TCF12: variants seen among roughly 807,000 people sequenced by gnomAD.
TCF12 encodes DNA-binding protein HTF4.
A neutral mutation model predicts 86.0 loss-of-function variants in TCF12; 45 were observed. The observed-to-expected ratio is 0.52, with a 90% CI of 0.41 to 0.67. TCF12 has a LOEUF of 0.67. Among genes scored for constraint, TCF12 ranks in the 30% least tolerant of loss-of-function variants. The pLI, the probability that TCF12 is intolerant of heterozygous loss-of-function variation, is 0.00. For missense variants in TCF12, 881 were observed against 859.9 expected, an observed-to-expected ratio of 1.02 and a Z score of -0.31; for synonymous variants, 330 against 299.6, an observed-to-expected ratio of 1.10 and a Z score of -1.05.
intron 4 of TCF12, among the ~76,000 whole-genome samples, chr15:57,077,829 A>T (rs1193716152): frequency 1.3e-5 from 2 of 151,406 alleles, no homozygotes; most frequent in East Asian, 3.9e-4. Context: ...GAGAAGTATT[A>T]CTTCTTCAAA....
chr15:57,092,086 A>G, intron 5 of TCF12, 195 bp downstream of exon 5: 1 of 437,656 alleles, frequency 2.3e-6, no homozygotes, highest in African/African-American at 2.0e-5. Flanking sequence ...CTCTTAAAGC[A>G]TTATTGTTTT....
At chr15:57,235,445 A>C (rs552852853) in intron 12 of TCF12, among the ~76,000 whole-genome samples, 2 of 152,298 alleles carry the variant, frequency 1.3e-5, no homozygotes, top group Admixed American at 6.5e-5. Flanking sequence ...TAGAACCCTG[A>C]TCAGACCAGC....
At chr15:57,249,763 C>G (rs776129028) in intron 13 of TCF12, among the ~76,000 whole-genome samples, 2 of 152,158 alleles carry the variant, frequency 1.3e-5, no homozygotes, top group Non-Finnish European at 2.9e-5. Context: ...CCTTCAACTT[C>G]CAACTTCGAT....
chr15:56,964,537 C>T (rs2061917630), intron 3 of TCF12, among the ~76,000 whole-genome samples: 1 of 152,150 alleles, frequency 6.6e-6, no homozygotes, highest in Non-Finnish European at 1.5e-5. Context: ...CATTTTTCAG[C>T]CTCTCTAAAC....
chr15:57,286,625 C>G lies in TCF12; in HGVS notation c.*480C>G, dbSNP rs1272091493. 2.2e-6 allele frequency: 1 copy of G among 456,608 alleles called. No individual in the cohort carries two copies. The highest frequency in any genetic ancestry group is 2.0e-5 in the African/African-American group (1 of 50,072). The allele number at this position is 456,608 out of a possible 1,614,324, so 28.3% of individuals were successfully genotyped here. Reference sequence around the variant, plus strand: ...ATTAAAGCGGTTCACGTGCAGAGAACAAAGCAGTGACAACCATTGGCCCTT... The same window carrying G: ...ATTAAAGCGGTTCACGTGCAGAGAAGAAAGCAGTGACAACCATTGGCCCTT... On this transcript the variant is annotated 3_prime_UTR_variant, in exon 21 of 21. Transcript: ENST00000333725.
intron 8 of TCF12, among the ~76,000 whole-genome samples, chr15:57,221,504 G>T (rs2058595774): frequency 6.7e-6 from 1 of 149,650 alleles, no homozygotes; most frequent in Non-Finnish European, 1.5e-5. Flanking sequence ...GAAAGCACAG[G>T]TTACTGTATT....
intron 3 of TCF12, among the ~76,000 whole-genome samples, chr15:57,007,512 G>A (rs1449468187): frequency 6.6e-6 from 1 of 152,168 alleles, no homozygotes; most frequent in East Asian, 1.9e-4. Context: ...AAAGAATTAT[G>A]TATTGAGATC....
chr15:57,226,263 A>C (rs1236358708), intron 8 of TCF12, among the ~76,000 whole-genome samples: 1 of 126,786 alleles, frequency 7.9e-6, no homozygotes, highest in Non-Finnish European at 1.7e-5. Flanking sequence ...TAAAGTTTTT[A>C]TTGTTTAATA....
At chr15:56,958,100 C>T (rs1188527593) in intron 3 of TCF12, among the ~76,000 whole-genome samples, 1 of 152,134 alleles carries the variant, frequency 6.6e-6, no homozygotes, top group Non-Finnish European at 1.5e-5. Context: ...GTAGTTTCCT[C>T]AAATGCACGT....
rs201785681 is a variant in TCF12 at position 57,020,764 on chromosome 15, CTA to C, written c.149-42984_149-42983del. 4.1e-3 allele frequency among the ~76,000 whole-genome samples: 623 copies of C among 152,148 alleles called. 7 individuals are homozygous for C. Among genetic ancestry groups the C allele is most frequent in the Admixed American group, 0.021 (321 of 15,282 alleles). The stretch of plus-strand genomic sequence containing the variant: ...TGGCATATGTGGAAGCATTTTGGGA[CTA>C]TGTGTAGGTGTAACAATGCTAAGCT... On this transcript the variant is annotated intron_variant, in intron 3 of 20. Coordinates refer to ENST00000333725, the MANE Select transcript of TCF12 (RefSeq NM_207037.2).
chr15:57,216,850 C>T (rs1047175311), intron 8 of TCF12, among the ~76,000 whole-genome samples: 4 of 151,954 alleles, frequency 2.6e-5, no homozygotes, highest in African/African-American at 7.3e-5. Context: ...TGTTTTGGAG[C>T]GACAAACTTA....
At chr15:56,925,956 C>G (rs1385663011) in intron 3 of TCF12, among the ~76,000 whole-genome samples, 1 of 152,132 alleles carries the variant, frequency 6.6e-6, no homozygotes, top group African/African-American at 2.4e-5. Flanking sequence ...TAGTATTTAC[C>G]TATGCATTCT....
chr15:56,934,875 C>A (rs1595741649), intron 3 of TCF12, among the ~76,000 whole-genome samples: 1 of 152,046 alleles, frequency 6.6e-6, no homozygotes. Context: ...AAGACATTAA[C>A]TGGGTTTGGG....
At chr15:57,026,965 A>C (rs528687533) in intron 3 of TCF12, among the ~76,000 whole-genome samples, 1 of 152,068 alleles carries the variant, frequency 6.6e-6, no homozygotes, top group South Asian at 2.1e-4. Context: ...TGTATTTTTA[A>C]ATTTGTATTA....
Position 57,195,640 on chromosome 15 carries a change from A to T in TCF12, c.527-2133A>T, listed in dbSNP as rs563333992. Among the ~76,000 whole-genome samples, 9 of 152,356 alleles carry T rather than the reference A, an allele frequency of 5.9e-5. No individual in the cohort carries two copies. The South Asian group carries it at 1.9e-3, about 32-fold the overall frequency. On this transcript the variant is annotated intron_variant, in intron 7 of 20. Transcript: ENST00000333725. Reference sequence around the variant, plus strand: ...ACAGTTTTCTTCATATGCTACATATAAAGTTGCCTTTTTAACTTTGCAGCC... The same window carrying T: ...ACAGTTTTCTTCATATGCTACATATTAAGTTGCCTTTTTAACTTTGCAGCC...
intron 5 of TCF12, among the ~76,000 whole-genome samples, chr15:57,140,307 A>G (rs1596766853): frequency 1.3e-5 from 2 of 152,350 alleles, no homozygotes; most frequent in East Asian, 3.9e-4. Flanking sequence ...TAAGTGAAAT[A>G]AGCCAGTCAT....
At chr15:57,085,618 T>C (rs923160825) in intron 4 of TCF12, among the ~76,000 whole-genome samples, 4 of 152,246 alleles carry the variant, frequency 2.6e-5, no homozygotes, top group Non-Finnish European at 5.9e-5. Context: ...GGATTTGTTT[T>C]AGAAAGTATA....
intron 3 of TCF12, among the ~76,000 whole-genome samples, chr15:56,935,939 G>A (rs2060450128): frequency 6.6e-6 from 1 of 152,138 alleles, no homozygotes; most frequent in Non-Finnish European, 1.5e-5. Context: ...TTGCAATTGT[G>A]AATTGCTATA....
chr15:56,957,114 A>G (rs2061534761), intron 3 of TCF12, among the ~76,000 whole-genome samples: 1 of 152,170 alleles, frequency 6.6e-6, no homozygotes, highest in East Asian at 1.9e-4. Flanking sequence ...CCATCATGTT[A>G]CAATGCAATA....
Sources: gnomAD v4.1 joint callset for allele counts (sites outside exome capture counted in the v4.1 genomes callset) on GRCh38, gnomAD v4.1.1 for gene constraint, MANE v1.5 for transcripts, NCBI Gene and HGNC (gene_info 2026-07-23, HGNC 2026-07-21) for gene names.